Variants in ATF7IP2 observed in about 807,000 individuals in gnomAD.
The protein encoded by ATF7IP2 is activating transcription factor 7-interacting protein 2.
In ATF7IP2, 42 loss-of-function variants were observed where a neutral mutation model predicts 64.2. That is an observed-to-expected ratio of 0.65 (90% confidence interval 0.51 to 0.85). ATF7IP2 has a LOEUF of 0.85. Ranked by LOEUF, ATF7IP2 falls within the 40% of genes least tolerant of loss-of-function variation. The pLI, the probability that ATF7IP2 is intolerant of heterozygous loss-of-function variation, is 0.00. For missense variants in ATF7IP2, 933 were observed against 784.2 expected, an observed-to-expected ratio of 1.19 and a Z score of -2.27; for synonymous variants, 308 against 272.8, an observed-to-expected ratio of 1.13 and a Z score of -1.27.
chr16:10,477,747 A>T (rs2142097251), intron 12 of ATF7IP2, among the ~76,000 whole-genome samples: 1 of 152,024 alleles, frequency 6.6e-6, no homozygotes, highest in African/African-American at 2.4e-5. Context: ...TATCTAGAAA[A>T]CCCCATTGTC....
At chr16:10,390,438 A>C (rs377403447) in intron 1 of ATF7IP2, among the ~76,000 whole-genome samples, 1 of 152,242 alleles carries the variant, frequency 6.6e-6, no homozygotes, top group Non-Finnish European at 1.5e-5. Context: ...TGTGGGCTCA[A>C]CTAAAGTAGG....
At chr16:10,405,960 G>A (rs560006383) in intron 1 of ATF7IP2, among the ~76,000 whole-genome samples, 21 of 152,060 alleles carry the variant, frequency 1.4e-4, no homozygotes, top group Non-Finnish European at 2.5e-4. Context: ...GTGGTGGCAC[G>A]TGCCTGTAAT....
At chr16:10,439,089 A>G (rs1596515453) in intron 7 of ATF7IP2, among the ~76,000 whole-genome samples, 2 of 151,060 alleles carry the variant, frequency 1.3e-5, no homozygotes, top group African/African-American at 4.9e-5. Flanking sequence ...TTTTAAACCT[A>G]AATATATCCT....
At chr16:10,444,354 G>A (rs1203145151) in intron 8 of ATF7IP2, among the ~76,000 whole-genome samples, 1 of 152,148 alleles carries the variant, frequency 6.6e-6, no homozygotes, top group Non-Finnish European at 1.5e-5. Context: ...TAACGGTCCA[G>A]ACTGCTGTCT....
chr16:10,396,036 T>TA (rs1367426127), intron 1 of ATF7IP2, among the ~76,000 whole-genome samples: 1 of 152,076 alleles, frequency 6.6e-6, no homozygotes, highest in Non-Finnish European at 1.5e-5. Context: ...CACAAACCAT[T>TA]AAAGATAAAA....
At chr16:10,451,228 C>T (rs910421877) in intron 8 of ATF7IP2, among the ~76,000 whole-genome samples, 1 of 152,220 alleles carries the variant, frequency 6.6e-6, no homozygotes, top group Non-Finnish European at 1.5e-5. Context: ...CCTTACCTTT[C>T]TCTCTGGCTG....
At chr16:10,451,079 A>C (rs993575422) in intron 8 of ATF7IP2, among the ~76,000 whole-genome samples, 15 of 152,328 alleles carry the variant, frequency 9.8e-5, no homozygotes, top group Admixed American at 7.8e-4. Context: ...TATGAAGCTT[A>C]GTTTGGCTGG....
intron 1 of ATF7IP2, among the ~76,000 whole-genome samples, chr16:10,397,857 C>CA (rs529674439): frequency 0.049 from 3,171 of 64,960 alleles, 42 homozygotes; most frequent in African/African-American, 0.054. Context: ...GACCTCATTT[C>CA]AAAAAAAAAA....
chr16:10,395,810 GGTTAA>G (rs2047409659), intron 1 of ATF7IP2, among the ~76,000 whole-genome samples: 1 of 152,090 alleles, frequency 6.6e-6, no homozygotes, highest in African/African-American at 2.4e-5. Context: ...AAAAACCCAC[GGTTAA>G]CATCATAGTG....
At chr16:10,412,211 T>G (rs7188776) in intron 1 of ATF7IP2, among the ~76,000 whole-genome samples, 4 of 151,832 alleles carry the variant, frequency 2.6e-5, no homozygotes, top group Non-Finnish European at 5.9e-5. Context: ...TTCTTTCTTG[T>G]GCTGTGTTTG....
In ATF7IP2 at chr16:10,441,132, T is replaced by C. The variant is rs2048606223; in HGVS notation, c.1194+670T>C. Among the ~76,000 whole-genome samples, 4 of 152,232 alleles carry C rather than the reference T, an allele frequency of 2.6e-5. No individual in the cohort carries two copies. The South Asian group carries it at 8.3e-4, about 32-fold the overall frequency. On this transcript the variant is annotated intron_variant, in intron 8 of 13. Coordinates refer to ENST00000562102, the MANE Select transcript of ATF7IP2 (RefSeq NM_001393719.1). ...TCCATGGTGTATAAGTGCCACATTG[T>C]CTTTATCCAGTCTATCATTGACGGG... is the stretch of plus-strand genomic sequence containing the variant.
intron 1 of ATF7IP2, among the ~76,000 whole-genome samples, chr16:10,403,744 C>T (rs1029701390): frequency 1.3e-5 from 2 of 152,016 alleles, no homozygotes; most frequent in African/African-American, 4.8e-5. Flanking sequence ...GAGAAATTTA[C>T]CAAGGAAATA....
intron 9 of ATF7IP2, among the ~76,000 whole-genome samples, chr16:10,461,227 G>C (rs1406489999): frequency 2.6e-5 from 4 of 152,060 alleles, no homozygotes; most frequent in East Asian, 3.8e-4. Flanking sequence ...AAAGGGAGTA[G>C]TATTTAATGT....
chr16:10,477,465 TGGG>T (rs1230591575), intron 12 of ATF7IP2, among the ~76,000 whole-genome samples: 5 of 152,108 alleles, frequency 3.3e-5, no homozygotes, highest in Non-Finnish European at 7.4e-5. Context: ...TAGGTATTGA[TGGG>T]ACGTATCTCA....
chr16:10,389,546 C>T (rs181742909), intron 1 of ATF7IP2, among the ~76,000 whole-genome samples: 1 of 152,116 alleles, frequency 6.6e-6, no homozygotes, highest in African/African-American at 2.4e-5. Flanking sequence ...TCCAACCCAC[C>T]TCCAAAAAAA....
intron 5 of ATF7IP2, among the ~76,000 whole-genome samples, chr16:10,432,808 G>A (rs2048300966): frequency 6.6e-6 from 1 of 152,146 alleles, no homozygotes; most frequent in Non-Finnish European, 1.5e-5. Context: ...AACCTGGGGG[G>A]CGGAAGTTGC....
intron 12 of ATF7IP2, among the ~76,000 whole-genome samples, chr16:10,476,477 T>C (rs1212121334): frequency 6.7e-6 from 1 of 149,540 alleles, no homozygotes; most frequent in Non-Finnish European, 1.5e-5. Context: ...GTATTTACTC[T>C]CCCCAGTTGT....
Position 10,481,497 on chromosome 16 carries a change from C to G in ATF7IP2, c.1636-339C>G, listed in dbSNP as rs557246788. Among the ~76,000 whole-genome samples the G allele has an allele frequency of 8.5e-5, 13 of 152,318 alleles. No homozygotes were observed. In the South Asian group the frequency reaches 2.3e-3, roughly 27 times the overall value. On this transcript the variant is annotated intron_variant, in intron 13 of 13. Coordinates refer to ENST00000562102, the MANE Select transcript of ATF7IP2 (RefSeq NM_001393719.1). ...ACAGGATTTTGCCATGTTGGCCAGG[C>G]TGGTCTCAAACTCCTGACCTCAGGT...
At chr16:10,412,259 G>T (rs781051289) in intron 1 of ATF7IP2, among the ~76,000 whole-genome samples, 1 of 151,638 alleles carries the variant, frequency 6.6e-6, no homozygotes, top group Non-Finnish European at 1.5e-5. Flanking sequence ...TCCTTGAGGT[G>T]TGACCTTAGA....
Sources: gnomAD v4.1 joint callset for allele counts (sites outside exome capture counted in the v4.1 genomes callset) on GRCh38, gnomAD v4.1.1 for gene constraint, MANE v1.5 for transcripts, NCBI Gene and HGNC (gene_info 2026-07-23, HGNC 2026-07-21) for gene names.